The following TENM1 variants were observed in gnomAD, a reference collection of about 807,000 sequenced individuals.
TENM1 encodes the protein teneurin transmembrane protein 1.
TENM1 carries 35 observed loss-of-function variants against 174.8 expected under a neutral mutation model. The observed-to-expected ratio is 0.20, with a 90% CI of 0.15 to 0.27. The LOEUF (loss-of-function observed/expected upper bound fraction) is 0.27. Among genes scored for constraint, TENM1 ranks in the 10% least tolerant of loss-of-function variants. TENM1 has a pLI of 1.00. For synonymous variants in TENM1, 781 were observed against 798.7 expected (o/e 0.98, Z 0.37); for missense variants, 1,633 against 2,130.1 (o/e 0.77, Z 4.59).
chrX:124,502,287 G>A (rs901330889), intron 19 of TENM1, among the ~76,000 whole-genome samples: 2 of 112,286 alleles, frequency 1.8e-5, no homozygotes, highest in Admixed American at 9.4e-5. Context: ...TGAAAATCAG[G>A]GGGCCCCCCC....
intron 3 of TENM1, among the ~76,000 whole-genome samples, chrX:124,754,670 A>G (rs2054179330): frequency 9.2e-6 from 1 of 108,684 alleles, no homozygotes; most frequent in South Asian, 4.2e-4. Context: ...TGTGTCCCAG[A>G]GATTCTGGTA....
At chrX:124,746,781 A>C (rs2053928909) in intron 3 of TENM1, among the ~76,000 whole-genome samples, 1 of 111,178 alleles carries the variant, frequency 9.0e-6, no homozygotes. Flanking sequence ...ATTAGGAAAT[A>C]TACTGATCTA....
intron 22 of TENM1, among the ~76,000 whole-genome samples, chrX:124,475,278 T>G (rs1248125658): frequency 9.0e-6 from 1 of 111,508 alleles, no homozygotes; most frequent in Non-Finnish European, 1.9e-5. Flanking sequence ...CCCCTCCTAT[T>G]CTAGGCCGAC....
the TENM1 span, among the ~76,000 whole-genome samples, chrX:125,186,336 T>C: frequency 6.3e-5 from 7 of 111,417 alleles, no homozygotes; most frequent in South Asian, 2.3e-3. Context: ...TTTACCAACG[T>C]CCCACATGGC....
the TENM1 span, among the ~76,000 whole-genome samples, chrX:125,056,997 C>T: frequency 9.0e-6 from 1 of 111,405 alleles, no homozygotes; most frequent in Non-Finnish European, 1.9e-5. Flanking sequence ...AAAAAATCCA[C>T]CAGTAAAAAT....
chrX:124,962,842 CA>C (rs1382032479), intron 1 of TENM1, among the ~76,000 whole-genome samples: 1 of 111,157 alleles, frequency 9.0e-6, no homozygotes, highest in African/African-American at 3.3e-5. Context: ...CAAAACAAAA[CA>C]AAACAAAACA....
chrX:124,614,891 C>CA (rs1279505236), intron 11 of TENM1, among the ~76,000 whole-genome samples: 3 of 111,246 alleles, frequency 2.7e-5, no homozygotes, highest in African/African-American at 6.5e-5. Context: ...CACACACACA[C>CA]AAAAAAAGCA....
chrX:124,882,403 T>C (rs1244618785), intron 3 of TENM1, among the ~76,000 whole-genome samples: 1 of 111,686 alleles, frequency 9.0e-6, no homozygotes, highest in Non-Finnish European at 1.9e-5. Flanking sequence ...AGTCCCATGT[T>C]TCTTTGTTAA....
the TENM1 span, among the ~76,000 whole-genome samples, chrX:125,193,270 G>T: frequency 8.9e-6 from 1 of 112,403 alleles, no homozygotes; most frequent in South Asian, 3.6e-4. Context: ...GTAATCAAAC[G>T]TGAATCAAAA....
At chrX:124,877,999 C>G (rs1050027011) in intron 3 of TENM1, among the ~76,000 whole-genome samples, 1 of 111,382 alleles carries the variant, frequency 9.0e-6, no homozygotes, top group Admixed American at 9.5e-5. Flanking sequence ...AGGTCTTCAT[C>G]TTCATCTTCA....
chrX:124,994,922 G>A, the TENM1 span, among the ~76,000 whole-genome samples: 1 of 110,874 alleles, frequency 9.0e-6, no homozygotes, highest in Non-Finnish European at 1.9e-5. Context: ...CTGATCTTAG[G>A]ATAAAGGGCA....
chrX:124,565,746 C>T (rs1034997963), intron 11 of TENM1, among the ~76,000 whole-genome samples, 186 bp from the exon 15 acceptor site: 13 of 111,463 alleles, frequency 1.2e-4, no homozygotes, highest in African/African-American at 2.9e-4. Context: ...TCAAGTGATC[C>T]TCCCATCTTG....
chrX:124,384,150 C>T, exon 30 of TENM1: 1 of 1,211,202 alleles, frequency 8.3e-7, no homozygotes, highest in Non-Finnish European at 1.1e-6. Flanking sequence ...ACACGTCGCC[C>T]AAGCCCATCA....
chrX:124,473,100 T>C (rs1231309365), intron 22 of TENM1, among the ~76,000 whole-genome samples: 1 of 111,875 alleles, frequency 8.9e-6, no homozygotes, highest in African/African-American at 3.3e-5. Flanking sequence ...AAACTGTATT[T>C]AGAAGGAACT....
rs142819099 is a variant in TENM1, at chrX:124,717,088, C to A, written c.777-11837G>T. ...CTCAGTCTCTTTTTCTGCTTTATGC[C>A]CCTCAGTTAAATTCTTTCTTCTGAG... is the stretch of plus-strand genomic sequence containing the variant. On this transcript the variant is annotated intron_variant, in intron 4 of 31. Coordinates refer to ENST00000422452, the Ensembl canonical transcript of TENM1. Among the ~76,000 whole-genome samples, 51 of 111,351 alleles carry A rather than the reference C, an allele frequency of 4.6e-4. No homozygotes were observed. The East Asian group carries it at 0.014, about 31-fold the overall frequency.
intron 1 of TENM1, among the ~76,000 whole-genome samples, chrX:124,961,351 T>A (rs765681229): frequency 9.0e-6 from 1 of 111,439 alleles, no homozygotes; most frequent in Admixed American, 9.5e-5. Flanking sequence ...TAAGAAGAGG[T>A]TAAAAAGAGG....
chrX:124,558,897 A>G (rs2048751594), intron 14 of TENM1, among the ~76,000 whole-genome samples: 1 of 111,667 alleles, frequency 9.0e-6, no homozygotes, highest in South Asian at 3.7e-4. Flanking sequence ...TTTAATTTGC[A>G]TATAGATACA....
At chrX:124,615,865 G>A (rs973146844) in intron 11 of TENM1, among the ~76,000 whole-genome samples, 1 of 111,906 alleles carries the variant, frequency 8.9e-6, no homozygotes, top group Admixed American at 9.5e-5. Context: ...CCTCAATCAA[G>A]TTGGTATTAT....
At chrX:125,058,445 T>C in the TENM1 span, among the ~76,000 whole-genome samples, 1 of 111,869 alleles carries the variant, frequency 8.9e-6, no homozygotes, top group African/African-American at 3.2e-5. Flanking sequence ...TCCTTTTGAC[T>C]AGACAATTTT....
Sources: gnomAD v4.1 joint callset for allele counts (sites outside exome capture counted in the v4.1 genomes callset) on GRCh38, gnomAD v4.1.1 for gene constraint, MANE v1.5 for transcripts, NCBI Gene and HGNC (gene_info 2026-07-23, HGNC 2026-07-21) for gene names.